Variants in CDH13 observed in about 807,000 individuals in gnomAD.
The protein encoded by CDH13 is cadherin 13, also known as cadherin-13.
Under a neutral mutation model 63.8 loss-of-function variants are expected in CDH13, and 24 were observed. The observed-to-expected ratio is 0.38, with a 90% CI of 0.27 to 0.53. CDH13 has a LOEUF of 0.53. Ranked by LOEUF, CDH13 falls within the 20% of genes least tolerant of loss-of-function variation. The probability of loss-of-function intolerance (pLI) is 0.85; values close to 1 mark genes in which losing one functional copy is unlikely to be tolerated. For synonymous variants in CDH13, 503 were observed against 355.3 expected, an observed-to-expected ratio of 1.42 and a Z score of -4.67; for missense variants, 1,049 against 903.1, an observed-to-expected ratio of 1.16 and a Z score of -2.07.
At chr16:82,883,145 G>A (rs551142805) in intron 2 of CDH13, among the ~76,000 whole-genome samples, 2 of 152,316 alleles carry the variant, frequency 1.3e-5, no homozygotes, top group South Asian at 4.1e-4. Context: ...CATAAGAGAA[G>A]AGATAAGAAA....
intron 5 of CDH13, among the ~76,000 whole-genome samples, chr16:83,262,222 C>T (rs1038874154): frequency 6.6e-6 from 1 of 152,168 alleles, no homozygotes; most frequent in Admixed American, 6.5e-5. Context: ...TAGCTTCATG[C>T]AATCCCCTGT....
At chr16:82,659,021 G>C (rs993347237) in intron 1 of CDH13, among the ~76,000 whole-genome samples, 18 of 152,150 alleles carry the variant, frequency 1.2e-4, no homozygotes, top group Admixed American at 1.0e-3. Context: ...ATCATCCCAG[G>C]CTTAGCTCAC....
chr16:82,952,641 C>G (rs937686689), intron 2 of CDH13, among the ~76,000 whole-genome samples: 9 of 152,164 alleles, frequency 5.9e-5, no homozygotes, highest in African/African-American at 1.9e-4. Flanking sequence ...TTCTGTGGAT[C>G]AGATGATTCA....
At chr16:82,970,339 T>G (rs182196613) in intron 2 of CDH13, among the ~76,000 whole-genome samples, 1 of 152,016 alleles carries the variant, frequency 6.6e-6, no homozygotes, top group Admixed American at 6.6e-5. Flanking sequence ...TGATGGGCAT[T>G]TGGGTTGGTT....
At chr16:82,740,198 A>G (rs1355038538) in intron 1 of CDH13, among the ~76,000 whole-genome samples, 1 of 152,222 alleles carries the variant, frequency 6.6e-6, no homozygotes, top group African/African-American at 2.4e-5. Context: ...TTAGCATTTT[A>G]TTATAATGCA....
At chr16:83,380,246 T>A (rs1213576386) in intron 6 of CDH13, among the ~76,000 whole-genome samples, 1 of 152,164 alleles carries the variant, frequency 6.6e-6, no homozygotes, top group Non-Finnish European at 1.5e-5. Flanking sequence ...AAAGCAAATG[T>A]GACAAAGTGT....
chr16:83,224,640 C>T (rs1490152638), intron 5 of CDH13, among the ~76,000 whole-genome samples: 2 of 152,214 alleles, frequency 1.3e-5, no homozygotes, highest in Non-Finnish European at 2.9e-5. Context: ...TCTCCTATCA[C>T]GTGAACCATA....
intron 7 of CDH13, among the ~76,000 whole-genome samples, chr16:83,491,216 T>C (rs984768720): frequency 1.6e-4 from 24 of 152,234 alleles, no homozygotes; most frequent in Admixed American, 1.2e-3. Flanking sequence ...CTTGGTCCAC[T>C]GGGTGAATAG....
intron 1 of CDH13, among the ~76,000 whole-genome samples, chr16:82,634,062 A>T (rs931691416): frequency 1.3e-5 from 2 of 152,198 alleles, no homozygotes; most frequent in African/African-American, 4.8e-5. Flanking sequence ...AATGAGCATC[A>T]CCCGATCTGC....
At chr16:82,946,239 A>G (rs1368671467) in intron 2 of CDH13, among the ~76,000 whole-genome samples, 1 of 151,226 alleles carries the variant, frequency 6.6e-6, no homozygotes. Context: ...GGGAGGGAGG[A>G]AGAGAGGGAT....
chr16:82,864,789 G>A (rs114325127), intron 2 of CDH13, among the ~76,000 whole-genome samples: 20 of 152,076 alleles, frequency 1.3e-4, no homozygotes, highest in South Asian at 6.2e-4. Context: ...AACAGTTCCC[G>A]AAAGTCTTAA....
At chr16:83,556,450 A>T (rs1251518368) in intron 7 of CDH13, among the ~76,000 whole-genome samples, 1 of 152,178 alleles carries the variant, frequency 6.6e-6, no homozygotes, top group African/African-American at 2.4e-5. Context: ...CAGGAAACAC[A>T]CATTCTCACA....
intron 8 of CDH13, among the ~76,000 whole-genome samples, chr16:83,650,442 A>G (rs1218253443): frequency 6.6e-6 from 1 of 152,092 alleles, no homozygotes; most frequent in Non-Finnish European, 1.5e-5. Context: ...ATAAGTGATA[A>G]CTCTTGTCCT....
chr16:83,565,579 C>G (rs1392090269), intron 7 of CDH13, among the ~76,000 whole-genome samples: 1 of 152,016 alleles, frequency 6.6e-6, no homozygotes, highest in African/African-American at 2.4e-5. Context: ...AGTGGAACAT[C>G]TGAGCAATGC....
chr16:83,104,135 T>C (rs1275552488), intron 3 of CDH13, among the ~76,000 whole-genome samples: 1 of 152,220 alleles, frequency 6.6e-6, no homozygotes, highest in Non-Finnish European at 1.5e-5. Flanking sequence ...CACTCTCTTC[T>C]CTTTTTAAAG....
chr16:83,210,205 T>C (rs1597521181), intron 4 of CDH13, among the ~76,000 whole-genome samples: 1 of 152,078 alleles, frequency 6.6e-6, no homozygotes, highest in African/African-American at 2.4e-5. Flanking sequence ...ACTGGGACTA[T>C]AGGCGCCTGC....
intron 7 of CDH13, among the ~76,000 whole-genome samples, chr16:83,554,287 G>T (rs1039400826): frequency 6.6e-6 from 1 of 152,118 alleles, no homozygotes; most frequent in Non-Finnish European, 1.5e-5. Flanking sequence ...CAGGATCCCT[G>T]GAGACAGGAA....
At chr16:82,971,211 C>G (rs924741099) in intron 2 of CDH13, among the ~76,000 whole-genome samples, 20 of 152,198 alleles carry the variant, frequency 1.3e-4, no homozygotes, top group Admixed American at 1.2e-3. Context: ...CCATAACTCA[C>G]CAGCAGGATT....
intron 10 of CDH13, among the ~76,000 whole-genome samples, chr16:83,711,146 T>G (rs1256504735): frequency 1.3e-5 from 2 of 152,330 alleles, no homozygotes; most frequent in East Asian, 3.9e-4. Flanking sequence ...CTCTCCCCAG[T>G]TAGAAGTATC....
Sources: allele counts gnomAD v4.1 joint callset (sites outside exome capture counted in the v4.1 genomes callset), GRCh38; gene constraint gnomAD v4.1.1; transcripts MANE v1.5; gene names NCBI Gene and HGNC (gene_info 2026-07-23, HGNC 2026-07-21).